Variants in ABCA5 observed in about 807,000 individuals in gnomAD.
The protein encoded by ABCA5 is ATP binding cassette subfamily A member 5.
Under a neutral mutation model 206.0 loss-of-function variants are expected in ABCA5, and 163 were observed. The ratio of observed to expected loss-of-function variants is 0.79; its 90% CI spans 0.70 to 0.90. The LOEUF (loss-of-function observed/expected upper bound fraction) is 0.90. Among genes scored for constraint, ABCA5 ranks in the 40% least tolerant of loss-of-function variants. ABCA5 has a pLI of 0.00. For missense variants in ABCA5, 1,859 were observed against 1,912.9 expected, an observed-to-expected ratio of 0.97 and a Z score of 0.53; for synonymous variants, 609 against 613.8, an observed-to-expected ratio of 0.99 and a Z score of 0.11.
intron 3 of ABCA5, among the ~76,000 whole-genome samples, chr17:69,310,799 C>A (rs563733784): frequency 4.6e-5 from 7 of 152,190 alleles, no homozygotes; most frequent in African/African-American, 1.2e-4. Context: ...CACAGACAGG[C>A]GATTTGAACT....
intron 18 of ABCA5, among the ~76,000 whole-genome samples, chr17:69,280,766 C>T (rs1282729307): frequency 6.6e-6 from 1 of 151,604 alleles, no homozygotes. Context: ...TCATCATTCT[C>T]AGTAAACTAT....
At chr17:69,303,786 ATATATAT>A (rs1312927656) in intron 7 of ABCA5, among the ~76,000 whole-genome samples, 2 of 4,650 alleles carry the variant, frequency 4.3e-4, no homozygotes, top group African/African-American at 4.7e-4. Flanking sequence ...AAAAAAAAAA[ATATATAT>A]ATATATATAT....
chr17:69,260,222 C>A, intron 27 of ABCA5, 116 bp downstream of exon 27: 1 of 738,488 alleles, frequency 1.4e-6, no homozygotes, highest in Non-Finnish European at 2.1e-6. Context: ...ACATGCTTAA[C>A]TTTTTATGCA....
intron 17 of ABCA5, 142 bp from the exon 18 acceptor site, chr17:69,284,214 T>G (rs2075427173): frequency 3.2e-6 from 2 of 634,058 alleles, no homozygotes; most frequent in South Asian, 2.9e-5. Context: ...ATAAATTAGC[T>G]AGGCATAAAT....
chr17:69,256,425 G>A, intron 28 of ABCA5, 142 bp from the exon 29 acceptor site: 1 of 466,682 alleles, frequency 2.1e-6, no homozygotes, highest in South Asian at 6.2e-5. Context: ...GGAATTATAA[G>A]CGATATTTCT....
chr17:69,314,290 A>G, intron 2 of ABCA5, 24 bp downstream of exon 2: 2 of 1,501,956 alleles, frequency 1.3e-6, no homozygotes, highest in Non-Finnish European at 1.8e-6. Context: ...GCAAAAAAGC[A>G]TAAGAAAGAG....
chr17:69,287,275 T>C (rs1438715323), intron 15 of ABCA5, among the ~76,000 whole-genome samples: 1 of 152,198 alleles, frequency 6.6e-6, no homozygotes, highest in Non-Finnish European at 1.5e-5. Flanking sequence ...AGTAGGACTC[T>C]TGGAAGCTTC....
Position 69,263,985 on chromosome 17 carries a change from C to T in ABCA5, c.3315+750G>A, listed in dbSNP as rs149394700. Among the ~76,000 whole-genome samples the T allele has an allele frequency of 5.2e-3, 793 of 152,154 alleles. 12 individuals are homozygous for T. Among genetic ancestry groups the T allele is most frequent in the African/African-American group, 0.017 (726 of 41,510 alleles). On this transcript the variant is annotated intron_variant, in intron 24 of 38. Coordinates refer to ENST00000392676, the MANE Select transcript of ABCA5 (RefSeq NM_172232.4). ...TGCTGGGATTATAGGCATGAGCCCC[C>T]GCGCCCAGCTTATGTAGGATTCCTT...
At chr17:69,296,073 T>TC (rs1414464989) in intron 10 of ABCA5, among the ~76,000 whole-genome samples, 1 of 152,206 alleles carries the variant, frequency 6.6e-6, no homozygotes, top group Non-Finnish European at 1.5e-5. Context: ...GGATTTTTTT[T>TC]CATTTCTGAT....
intron 5 of ABCA5, among the ~76,000 whole-genome samples, chr17:69,307,282 C>T (rs1160910953): frequency 6.6e-6 from 1 of 151,946 alleles, no homozygotes; most frequent in African/African-American, 2.4e-5. Flanking sequence ...TAAAAATATA[C>T]ATCTTCAAAA....
At chr17:69,285,861 C>A in intron 17 of ABCA5, 37 bp downstream of exon 17, 1 of 1,576,616 alleles carries the variant, frequency 6.3e-7, no homozygotes, top group South Asian at 1.2e-5. Context: ...ATATAGGATC[C>A]CAGTTCAAAC....
intron 10 of ABCA5, 104 bp from the exon 11 acceptor site, chr17:69,294,817 T>C (rs996336590): frequency 3.2e-6 from 2 of 616,848 alleles, no homozygotes; most frequent in African/African-American, 3.8e-5. Flanking sequence ...TTTATAAGAA[T>C]AATAAAATAA....
Position 69,244,864 on chromosome 17 carries a change from TTATA to T in ABCA5, c.*2669_*2672del, listed in dbSNP as rs2074933578. The T allele has an allele frequency of 6.7e-6, 1 of 150,146 alleles. No homozygotes were observed. Among genetic ancestry groups the T allele is most frequent in the South Asian group, 2.1e-4 (1 of 4,824 alleles). The allele number at this position is 150,146 out of a possible 1,614,324, so 9.3% of individuals were successfully genotyped here. Reference sequence around the variant, plus strand: ...TACTACTAGCAAAGGATTTGTCATATTATAGTTAGTTATATAAAATAATAGCTAG... The same window carrying T: ...TACTACTAGCAAAGGATTTGTCATATGTTAGTTATATAAAATAATAGCTAG... On this transcript the variant is annotated 3_prime_UTR_variant, in exon 39 of 39. Transcript: ENST00000392676.
At chr17:69,284,832 T>C (rs1366333741) in intron 17 of ABCA5, among the ~76,000 whole-genome samples, 1 of 152,216 alleles carries the variant, frequency 6.6e-6, no homozygotes, top group African/African-American at 2.4e-5. Flanking sequence ...TTGGTATTAT[T>C]AGAAAAAGTG....
intron 8 of ABCA5, 53 bp from the exon 9 acceptor site, chr17:69,301,339 A>G: frequency 6.8e-7 from 1 of 1,476,668 alleles, no homozygotes; most frequent in Non-Finnish European, 9.2e-7. Context: ...AAACAAGCAA[A>G]AGCTAACACT....
Position 69,301,265 on chromosome 17 carries a change from T to A in ABCA5, c.1141A>T (p.Asn381Tyr). ...IAQVMHLEDF[N>Y]EGASFSNLTA... ...AAATTTGAAAATGAAGCACCTTCAT[T>A]AAAATCTTCTAAATGCATGACCTGA... The change falls in exon 9 of 39, where the codon AAT (asparagine) becomes TAT (tyrosine). Residue 381 changes from asparagine (N) to tyrosine (Y), a missense_variant. Asn to Tyr is a moderately radical substitution (Grantham distance 143). Transcript: ENST00000392676. 6.3e-7 allele frequency: 1 copy of A among 1,591,422 alleles called. No individual in the cohort carries two copies. The highest frequency in any genetic ancestry group is 8.5e-7 in the Non-Finnish European group (1 of 1,174,856).
intron 18 of ABCA5, among the ~76,000 whole-genome samples, chr17:69,282,376 C>T (rs2075403365): frequency 6.6e-6 from 1 of 152,170 alleles, no homozygotes; most frequent in South Asian, 2.1e-4. Context: ...AGATTTCATC[C>T]AATTCCATAG....
chr17:69,258,182 GA>G (rs894284147), intron 28 of ABCA5, among the ~76,000 whole-genome samples: 176 of 147,570 alleles, frequency 1.2e-3, no homozygotes, highest in African/African-American at 3.6e-3. Context: ...ATATCCAAAG[GA>G]AAAAAAAAAT....
At chr17:69,267,399 G>A (rs1298115500) in intron 23 of ABCA5, among the ~76,000 whole-genome samples, 1 of 152,126 alleles carries the variant, frequency 6.6e-6, no homozygotes, top group Non-Finnish European at 1.5e-5. Flanking sequence ...GAAAACAAAA[G>A]GGAAAGGCGT....
Sources: gnomAD v4.1 joint callset for allele counts (sites outside exome capture counted in the v4.1 genomes callset) on GRCh38, gnomAD v4.1.1 for gene constraint, MANE v1.5 for transcripts, NCBI Gene and HGNC (gene_info 2026-07-23, HGNC 2026-07-21) for gene names.